The following SPAG16 variants were observed in gnomAD, a reference collection of about 807,000 sequenced individuals.
SPAG16 encodes the protein sperm associated antigen 16, also known as sperm-associated antigen 16 protein.
In SPAG16, 86 loss-of-function variants were observed where a neutral mutation model predicts 80.4. The ratio of observed to expected loss-of-function variants is 1.07; its 90% CI spans 0.90 to 1.28. The LOEUF (loss-of-function observed/expected upper bound fraction) is 1.28, where lower values mean the gene tolerates loss of function less well. Ranked by LOEUF, SPAG16 falls within the 50% of genes most tolerant of loss-of-function variation. The pLI is 0.00. For missense variants in SPAG16, 870 were observed against 765.3 expected (o/e 1.14, Z -1.61); for synonymous variants, 294 against 265.9 (o/e 1.11, Z -1.03).
intron 5 of SPAG16, chr2:213,317,655 T>C: frequency 2.0e-6 from 2 of 1,021,426 alleles, no homozygotes; most frequent in Non-Finnish European, 2.3e-6. Flanking sequence ...TAACATTTTC[T>C]CCTGTAAAGA....
At chr2:213,532,860 T>C (rs1250718231) in intron 10 of SPAG16, among the ~76,000 whole-genome samples, 1 of 152,322 alleles carries the variant, frequency 6.6e-6, no homozygotes, top group South Asian at 2.1e-4. Context: ...CTTATGCTTC[T>C]ATCTTATAAC....
intron 15 of SPAG16, among the ~76,000 whole-genome samples, chr2:214,254,844 GT>G (rs570411179): frequency 4.8e-4 from 73 of 151,518 alleles, no homozygotes; most frequent in South Asian, 3.3e-3. Flanking sequence ...ACTAAGATTG[GT>G]TTTTTTTATG....
chr2:213,766,187 A>G (rs1449642373), intron 10 of SPAG16, among the ~76,000 whole-genome samples: 1 of 152,184 alleles, frequency 6.6e-6, no homozygotes, highest in Non-Finnish European at 1.5e-5. Context: ...AAATCTCCAA[A>G]ACCAGAAAGT....
chr2:213,461,728 T>C (rs1350448477), intron 9 of SPAG16, among the ~76,000 whole-genome samples: 1 of 152,142 alleles, frequency 6.6e-6, no homozygotes, highest in Non-Finnish European at 1.5e-5. Flanking sequence ...TGTTTAGTGT[T>C]AGGCAGTGGA....
chr2:213,767,468 G>T lies in SPAG16; in HGVS notation c.1071-95017G>T, dbSNP rs536515439. Among the ~76,000 whole-genome samples the T allele has an allele frequency of 7.2e-5, 11 of 152,108 alleles. No individual in the cohort carries two copies. The East Asian group carries it at 2.1e-3, about 29-fold the overall frequency. On this transcript the variant is annotated intron_variant, in intron 10 of 15. Transcript: ENST00000331683. ...GGATCACTTGAGCCCAGGAGTTCCA[G>T]GTCAACCTAGGCAACATAGTGAGTC...
chr2:214,018,060 C>G (rs1021697287), intron 13 of SPAG16, among the ~76,000 whole-genome samples: 4 of 151,830 alleles, frequency 2.6e-5, no homozygotes, highest in African/African-American at 7.3e-5. Context: ...TAGCTATGTA[C>G]TGTAAAAAAC....
At chr2:214,322,502 C>T (rs1164128420) in intron 15 of SPAG16, among the ~76,000 whole-genome samples, 2 of 103,554 alleles carry the variant, frequency 1.9e-5, no homozygotes, top group Admixed American at 1.0e-4. Flanking sequence ...AAATGCCTCA[C>T]CTTAGGCAAA....
chr2:213,404,028 C>T (rs2125353078), intron 9 of SPAG16, among the ~76,000 whole-genome samples: 1 of 152,132 alleles, frequency 6.6e-6, no homozygotes, highest in Admixed American at 6.5e-5. Flanking sequence ...TCAAGGAGAA[C>T]TAAAAACCAC....
Position 213,744,264 on chromosome 2 carries a change from G to T in SPAG16, c.1071-118221G>T, listed in dbSNP as rs1003761993. Reference sequence around the variant, plus strand: ...AAGTAGGTGCACATATTTCTGGGTCGCATGTGCCCTCTGAGGATACAGTTA... The same window carrying T: ...AAGTAGGTGCACATATTTCTGGGTCTCATGTGCCCTCTGAGGATACAGTTA... On this transcript the variant is annotated intron_variant, in intron 10 of 15. Transcript: ENST00000331683. 3.3e-5 allele frequency among the ~76,000 whole-genome samples: 5 copies of T among 152,028 alleles called. 1 individual carries two copies. The highest frequency in any genetic ancestry group is 2.0e-4 in the Admixed American group (3 of 15,248).
intron 9 of SPAG16, among the ~76,000 whole-genome samples, chr2:213,468,622 G>T (rs910486658): frequency 2.1e-5 from 3 of 141,494 alleles, no homozygotes; most frequent in Admixed American, 7.2e-5. Context: ...TATATATAGA[G>T]ATATATATAA....
chr2:214,336,103 C>T (rs1576812340), intron 15 of SPAG16, among the ~76,000 whole-genome samples: 1 of 152,094 alleles, frequency 6.6e-6, no homozygotes, highest in African/African-American at 2.4e-5. Context: ...AGTAGTTGAA[C>T]ACATGGATTT....
At chr2:213,601,219 G>A (rs576471132) in intron 10 of SPAG16, among the ~76,000 whole-genome samples, 12 of 152,278 alleles carry the variant, frequency 7.9e-5, no homozygotes, top group Non-Finnish European at 1.3e-4. Context: ...CTCAGGGAAG[G>A]GACCAGAGGT....
intron 10 of SPAG16, among the ~76,000 whole-genome samples, chr2:213,595,856 G>A (rs780468040): frequency 2.8e-4 from 42 of 151,994 alleles, no homozygotes; most frequent in Non-Finnish European, 5.4e-4. Context: ...TTAAAATAGA[G>A]TATTTATTCT....
intron 10 of SPAG16, among the ~76,000 whole-genome samples, chr2:213,657,494 G>A (rs1053329778): frequency 6.6e-6 from 1 of 152,152 alleles, no homozygotes; most frequent in East Asian, 1.9e-4. Context: ...TAAGGCTGTG[G>A]TAAATCAAAT....
chr2:213,766,315 G>A (rs78484582), intron 10 of SPAG16, among the ~76,000 whole-genome samples: 4,566 of 152,300 alleles, frequency 0.03, 211 homozygotes, highest in African/African-American at 0.1. Flanking sequence ...GAGTTAGATA[G>A]TGGTCATGGT....
At chr2:214,220,817 TATG>T (rs896172751) in intron 15 of SPAG16, among the ~76,000 whole-genome samples, 26 of 152,298 alleles carry the variant, frequency 1.7e-4, no homozygotes, top group African/African-American at 6.0e-4. Context: ...AAAGCTGTCA[TATG>T]ACATGTGCTG....
chr2:213,344,611 T>G (rs551908817), intron 6 of SPAG16, among the ~76,000 whole-genome samples: 46 of 152,182 alleles, frequency 3.0e-4, no homozygotes, highest in African/African-American at 1.1e-3. Flanking sequence ...TTCCCACCTA[T>G]GAGTGAGAAC....
intron 10 of SPAG16, among the ~76,000 whole-genome samples, chr2:213,730,770 C>T (rs75580821): frequency 6.6e-6 from 1 of 152,172 alleles, no homozygotes; most frequent in East Asian, 1.9e-4. Flanking sequence ...ACTCTGTTCT[C>T]TCTTCTTCTT....
intron 11 of SPAG16, among the ~76,000 whole-genome samples, chr2:213,906,868 G>T (rs923836794): frequency 5.3e-5 from 8 of 152,184 alleles, no homozygotes; most frequent in Admixed American, 2.6e-4. Flanking sequence ...ACTCAAAATG[G>T]ATTAAAGGCT....
Sources: allele counts gnomAD v4.1 joint callset (sites outside exome capture counted in the v4.1 genomes callset), GRCh38; gene constraint gnomAD v4.1.1; transcripts MANE v1.5; gene names NCBI Gene and HGNC (gene_info 2026-07-23, HGNC 2026-07-21).